The following MMP8 variants were observed in gnomAD, a reference collection of about 807,000 sequenced individuals.
The protein encoded by MMP8 is neutrophil collagenase.
Under a neutral mutation model 51.2 loss-of-function variants are expected in MMP8, and 67 were observed. The ratio of observed to expected loss-of-function variants is 1.31; its 90% CI spans 1.08 to 1.60. The LOEUF (loss-of-function observed/expected upper bound fraction) is 1.60, where lower values mean the gene tolerates loss of function less well. MMP8 is among the 40% of genes most tolerant of loss of function. The probability of loss-of-function intolerance (pLI) is 0.00; values close to 1 mark genes in which losing one functional copy is unlikely to be tolerated. For missense variants in MMP8, 654 were observed against 558.1 expected (o/e 1.17, Z -1.73); for synonymous variants, 225 against 191.0 (o/e 1.18, Z -1.47).
At chr11:102,720,111 G>A (rs1441899185) in intron 4 of MMP8, among the ~76,000 whole-genome samples, 3 of 152,214 alleles carry the variant, frequency 2.0e-5, no homozygotes, top group Admixed American at 6.5e-5. Flanking sequence ...GATGTGAATG[G>A]AATACGTGAA....
rs1861170003 is a variant in MMP8, at chr11:102,713,035, A to G, written c.*313T>C. 4.5e-6 allele frequency: 1 copy of G among 222,900 alleles called. No individual in the cohort carries two copies. The highest frequency in any genetic ancestry group is 8.9e-6 in the Non-Finnish European group (1 of 112,546). The allele number at this position is 222,900 out of a possible 1,614,324, so 13.8% of individuals were successfully genotyped here. A position where few individuals can be genotyped will look rare whatever the true frequency, so the allele number is the denominator to read the frequency against. On this transcript the variant is annotated 3_prime_UTR_variant, in exon 10 of 10. Coordinates refer to ENST00000236826, the MANE Select transcript of MMP8 (RefSeq NM_002424.3). ...ATGTATGAAGTCAGATAGGCAAGTA[A>G]TATAACAATAAATCCTAGAAGTCAG...
chr11:102,713,919 T>G (rs1861205293), intron 8 of MMP8, 62 bp from the exon 9 acceptor site: 1 of 1,213,228 alleles, frequency 8.2e-7, no homozygotes. Context: ...AAAAAATTTT[T>G]TTTATTGTAT....
intron 4 of MMP8, 60 bp downstream of exon 4, chr11:102,721,341 T>G: frequency 6.3e-7 from 1 of 1,597,262 alleles, no homozygotes. Flanking sequence ...TGTGTGTGTA[T>G]TCTAATCTGT....
At chr11:102,718,192 G>T (rs999900391) in intron 5 of MMP8, among the ~76,000 whole-genome samples, 1 of 152,060 alleles carries the variant, frequency 6.6e-6, no homozygotes, top group Non-Finnish European at 1.5e-5. Flanking sequence ...CAATAACTGG[G>T]AAGCACTGTA....
chr11:102,714,995 G>A (rs1435008000), intron 7 of MMP8, among the ~76,000 whole-genome samples: 1 of 152,096 alleles, frequency 6.6e-6, no homozygotes, highest in Non-Finnish European at 1.5e-5. Context: ...TGACTTTTAT[G>A]CAGAAACCAA....
At chr11:102,723,149 G>T in intron 1 of MMP8, 1 of 787,346 alleles carries the variant, frequency 1.3e-6, no homozygotes, top group Non-Finnish European at 1.9e-6. Flanking sequence ...AACTCACCAT[G>T]TTGCCTCTCA....
At chr11:102,722,810 A>G (rs573416494) in intron 1 of MMP8, 137 bp from the exon 2 acceptor site, 1 of 1,350,252 alleles carries the variant, frequency 7.4e-7, no homozygotes, top group Admixed American at 2.6e-5. Flanking sequence ...ATTAATTTGT[A>G]GGTTGGCTTT....
intron 4 of MMP8, 143 bp from the exon 5 acceptor site, chr11:102,718,718 A>C (rs993935013): frequency 2.9e-5 from 26 of 887,572 alleles, no homozygotes; most frequent in Admixed American, 5.2e-5. Context: ...TTTCTTTCAG[A>C]TACCTGAGAA....
At chr11:102,715,512 G>A in intron 6 of MMP8, 75 bp from the exon 7 acceptor site, 1 of 1,527,236 alleles carries the variant, frequency 6.5e-7, no homozygotes, top group Non-Finnish European at 8.8e-7. Context: ...TGACTTTTAG[G>A]CTAGTGATGG....
intron 8 of MMP8, 94 bp from the exon 9 acceptor site, chr11:102,713,951 C>G: frequency 1.3e-6 from 1 of 770,494 alleles, no homozygotes. Context: ...AGTCTCCTCA[C>G]ACATATTTTT....
At chr11:102,716,267 G>C (rs1364410974) in intron 6 of MMP8, 35 bp downstream of exon 6, 1 of 1,398,166 alleles carries the variant, frequency 7.2e-7, no homozygotes, top group Admixed American at 1.8e-5. Flanking sequence ...ATGTCAGTAA[G>C]AGGAATCAAA....
Position 102,721,747 on chromosome 11 carries a change from G to T in MMP8, c.363C>A (p.Thr121=). 6.2e-7 allele frequency: 1 copy of T among 1,613,588 alleles called. No homozygotes were observed. Among genetic ancestry groups the T allele is most frequent in the Non-Finnish European group, 8.5e-7 (1 of 1,179,716 alleles). ...TNLTYRIRNY[T]PQLSEAEVER... is the part of the protein sequence containing the mutation. ...CTACCTCAGCCTCTGACAGCTGTGGGGTATAGTTTCGAATCCTTCAAAATG... is the reference window on the plus strand; with the variant it reads ...CTACCTCAGCCTCTGACAGCTGTGGTGTATAGTTTCGAATCCTTCAAAATG... The change falls in exon 3 of 10, where the codon ACC becomes ACA. Residue 121 remains threonine (T), a synonymous_variant. Transcript: ENST00000236826.
chr11:102,722,673 C>T lies in MMP8; in HGVS notation c.103G>A (p.Asp35Asn), dbSNP rs1861510542. The T allele has an allele frequency of 1.2e-6, 2 of 1,613,300 alleles. No homozygotes were observed. The highest frequency in any genetic ancestry group is 2.7e-5 in the African/African-American group (2 of 74,878). The change falls in exon 2 of 10, where the codon GAC becomes AAC. Residue 35 changes from aspartate to asparagine, a missense_variant and splice_region_variant. By Grantham distance (23) the Asp-to-Asn change is conservative (BLOSUM62 1). Coordinates refer to ENST00000236826, the MANE Select transcript of MMP8 (RefSeq NM_002424.3). ...SKEKNTKTVQDYLEKFYQLPS... is the reference protein window; with the variant it reads ...SKEKNTKTVQNYLEKFYQLPS... ...AATTGGTAGAACTTTTCCAGGTAGT[C>T]CTGGACAAAGACAAGCACATAGGGG...
At chr11:102,718,112 C>A (rs896609867) in intron 5 of MMP8, among the ~76,000 whole-genome samples, 475 of 148,520 alleles carry the variant, frequency 3.2e-3, no homozygotes, top group Non-Finnish European at 5.6e-3. Context: ...ATCCCCCCCC[C>A]CAAAAAAAAT....
rs1861171586 is a variant in MMP8 at position 102,713,091 on chromosome 11, G to C, written c.*257C>G. The C allele has an allele frequency of 5.9e-6, 2 of 339,820 alleles. No homozygotes were observed. Among genetic ancestry groups the C allele is most frequent in the Admixed American group, 9.1e-5 (2 of 21,952 alleles). The allele number at this position is 339,820 out of a possible 1,614,324, so 21.1% of individuals were successfully genotyped here. On this transcript the variant is annotated 3_prime_UTR_variant, in exon 10 of 10. Coordinates refer to ENST00000236826, the MANE Select transcript of MMP8 (RefSeq NM_002424.3). ...TAAGTATTGAAATAGTAAATATTGAGGTGACAAAAAGGCTTACTTTCCTTC... is the reference window on the plus strand; with the variant it reads ...TAAGTATTGAAATAGTAAATATTGACGTGACAAAAAGGCTTACTTTCCTTC...
rs372517006 is a variant in MMP8 at position 102,724,731 on chromosome 11, C to T, written c.102+23G>A. Reference sequence around the variant, plus strand: ...TCCTAATAATCAGCAAATCAAACATCACCTAACTGATAGTTCATTTACCTG... The same window carrying T: ...TCCTAATAATCAGCAAATCAAACATTACCTAACTGATAGTTCATTTACCTG... On this transcript the variant is annotated intron_variant, in intron 1 of 9. Coordinates refer to ENST00000236826, the MANE Select transcript of MMP8 (RefSeq NM_002424.3). 16 of 1,566,096 alleles carry T rather than the reference C, an allele frequency of 1.0e-5. No individual in the cohort carries two copies. The African/African-American group carries it at 1.1e-4, about 11-fold the overall frequency.
rs1010079402 is a variant in MMP8 at position 102,714,298 on chromosome 11, C to T, written c.1190+258G>A. 3.3e-5 allele frequency among the ~76,000 whole-genome samples: 5 copies of T among 152,302 alleles called. No individual in the cohort carries two copies. In the East Asian group the frequency reaches 7.7e-4, roughly 24 times the overall value. On this transcript the variant is annotated intron_variant, in intron 8 of 9. Coordinates refer to ENST00000236826, the MANE Select transcript of MMP8 (RefSeq NM_002424.3). ...AGCTTAAATCTTTCTTTGTATCTCACCCTAGTGCTTTGTTAAGGTTTTCTT... is the reference window on the plus strand; with the variant it reads ...AGCTTAAATCTTTCTTTGTATCTCATCCTAGTGCTTTGTTAAGGTTTTCTT...
At position 102,716,423 on chromosome 11, in the gene MMP8, G is replaced by GAA. The variant is rs751481811; in HGVS notation, c.785-6_785-5dup. On this transcript the variant is annotated splice_region_variant and splice_polypyrimidine_tract_variant and intron_variant, in intron 5 of 9. Coordinates refer to ENST00000236826, the MANE Select transcript of MMP8 (RefSeq NM_002424.3). ...TGGATAGGGTTGCTTGAAAGTCCTG[G>GAA]AAAAAAAAAAAAAAAAAAAAAAAAG... 21,347 of 391,826 alleles carry GAA rather than the reference G, an allele frequency of 0.054. 227 individuals are homozygous for GAA. The highest frequency in any genetic ancestry group is 0.083 in the South Asian group (2,837 of 34,118). The allele number at this position is 391,826 out of a possible 1,614,324, so 24.3% of individuals were successfully genotyped here. A position where few individuals can be genotyped will look rare whatever the true frequency, so the allele number is the denominator to read the frequency against.
At chr11:102,723,112 A>T in intron 1 of MMP8, 1 of 1,200,186 alleles carries the variant, frequency 8.3e-7, no homozygotes, top group Non-Finnish European at 1.1e-6. Context: ...AGAATTAAGG[A>T]ATTTTCCAAG....
Sources: allele counts gnomAD v4.1 joint callset (sites outside exome capture counted in the v4.1 genomes callset), GRCh38; gene constraint gnomAD v4.1.1; transcripts MANE v1.5; gene names NCBI Gene and HGNC (gene_info 2026-07-23, HGNC 2026-07-21).